Variants in VAPA observed in about 807,000 individuals in gnomAD.
The protein encoded by VAPA is VAMP associated protein A.
A neutral mutation model predicts 25.6 loss-of-function variants in VAPA; 6 were observed. That is an observed-to-expected ratio of 0.23 (90% CI 0.13 to 0.46). VAPA has a LOEUF of 0.46. Among genes scored for constraint, VAPA ranks in the 20% least tolerant of loss-of-function variants. VAPA has a pLI of 0.99. For synonymous variants in VAPA, 112 were observed against 106.2 expected, an observed-to-expected ratio of 1.05 and a Z score of -0.34; for missense variants, 244 against 302.1, an observed-to-expected ratio of 0.81 and a Z score of 1.43.
intron 4 of VAPA, among the ~76,000 whole-genome samples, chr18:9,940,910 C>G (rs2069360731): frequency 6.6e-6 from 1 of 151,986 alleles, no homozygotes; most frequent in African/African-American, 2.4e-5. Flanking sequence ...TGGAAGTGGC[C>G]TTAATTGATT....
intron 4 of VAPA, among the ~76,000 whole-genome samples, chr18:9,940,118 C>T (rs1393651957): frequency 6.6e-6 from 1 of 152,208 alleles, no homozygotes; most frequent in African/African-American, 2.4e-5. Flanking sequence ...TCGTGATGTA[C>T]AGTTGATCTT....
In VAPA at chr18:9,928,307, TTG is replaced by T. The variant is rs199981052; in HGVS notation, c.80-3501_80-3500del. 8.9e-3 allele frequency among the ~76,000 whole-genome samples: 1,362 copies of T among 152,274 alleles called. 23 individuals carry two copies. Among genetic ancestry groups the T allele is most frequent in the African/African-American group, 0.031 (1,275 of 41,562 alleles). On this transcript the variant is annotated intron_variant, in intron 1 of 5. Coordinates refer to ENST00000400000, the MANE Select transcript of VAPA (RefSeq NM_194434.3). ...CAGTTTTTCTGAAAAAACATTTTTA[TTG>T]TTTTTCGTAAATAAAAGATATATAC...
intron 4 of VAPA, chr18:9,944,976 A>T (rs1476864214): frequency 6.2e-7 from 1 of 1,614,226 alleles, no homozygotes; most frequent in South Asian, 1.1e-5. Context: ...AGCAGCATCA[A>T]CAACACAGTT....
At chr18:9,918,236 C>T (rs544251742) in intron 1 of VAPA, among the ~76,000 whole-genome samples, 13 of 152,190 alleles carry the variant, frequency 8.5e-5, no homozygotes, top group Non-Finnish European at 1.9e-4. Flanking sequence ...ATTGTTTTAA[C>T]ATATAAATAC....
chr18:9,956,099 A>T lies in VAPA; in HGVS notation c.*1888A>T, dbSNP rs767816296. 6.6e-6 allele frequency: 1 copy of T among 152,110 alleles called. No individual in the cohort carries two copies. The highest frequency in any genetic ancestry group is 1.5e-5 in the Non-Finnish European group (1 of 68,012). 9.4% of individuals were successfully genotyped at this position (152,110 alleles called of 1,614,324 possible). On this transcript the variant is annotated 3_prime_UTR_variant, in exon 6 of 6. Coordinates refer to ENST00000400000, the MANE Select transcript of VAPA (RefSeq NM_194434.3). ...TGAAAATTTAGCCAAATCCCGTTTT[A>T]TGGGAATGCTCTTTAGAATTCATTT...
At chr18:9,950,851 C>G (rs1298380863) in intron 5 of VAPA, 3 of 365,560 alleles carry the variant, frequency 8.2e-6, no homozygotes, top group African/African-American at 4.2e-5. Context: ...CATTTTGTGC[C>G]CTAGTCATAC....
chr18:9,932,456 A>G (rs550263300), intron 2 of VAPA, among the ~76,000 whole-genome samples: 28 of 152,020 alleles, frequency 1.8e-4, no homozygotes, highest in Non-Finnish European at 3.8e-4. Context: ...CTTTATTTTT[A>G]TTTTACTACT....
At chr18:9,945,121 A>T in intron 4 of VAPA, 1 of 1,556,558 alleles carries the variant, frequency 6.4e-7, no homozygotes, top group Non-Finnish European at 8.8e-7. Context: ...GTTAATGTAG[A>T]TACCTAGCAG....
chr18:9,914,402 C>A, intron 1 of VAPA, 67 bp downstream of exon 1: 1 of 1,423,826 alleles, frequency 7.0e-7, no homozygotes, highest in Non-Finnish European at 9.4e-7. Context: ...GGCGGGGGGG[C>A]GCGGAGGGCA....
At position 9,955,661 on chromosome 18, in the gene VAPA, A is replaced by G. The variant is rs1307308248; in HGVS notation, c.*1450A>G. 1 of 152,206 alleles carries G rather than the reference A, an allele frequency of 6.6e-6. No homozygotes were observed. Among genetic ancestry groups the G allele is most frequent in the African/African-American group, 2.4e-5 (1 of 41,446 alleles). 9.4% of individuals were successfully genotyped at this position (152,206 alleles called of 1,614,324 possible). ...AGGCCCAGGTCTGTGTACACATTTT[A>G]TAGAAGAATGAAGTACTCTGAAGTA... is the stretch of plus-strand genomic sequence containing the variant. On this transcript the variant is annotated 3_prime_UTR_variant, in exon 6 of 6. Transcript: ENST00000400000.
At chr18:9,941,293 C>G (rs903862609) in intron 4 of VAPA, among the ~76,000 whole-genome samples, 3 of 152,114 alleles carry the variant, frequency 2.0e-5, no homozygotes, top group Non-Finnish European at 4.4e-5. Flanking sequence ...TCAGTGCAAC[C>G]TGGCACAGAC....
chr18:9,937,503 T>A (rs182171993), intron 4 of VAPA, among the ~76,000 whole-genome samples: 557 of 152,314 alleles, frequency 3.7e-3, no homozygotes, highest in Non-Finnish European at 6.2e-3. Context: ...CTCACTTTTG[T>A]TTTTAGTCAA....
intron 2 of VAPA, among the ~76,000 whole-genome samples, chr18:9,934,951 C>T (rs929032307): frequency 1.3e-5 from 2 of 151,808 alleles, no homozygotes; most frequent in African/African-American, 4.8e-5. Context: ...AAAAATTAGC[C>T]GGGCATGGTG....
At chr18:9,941,917 G>A (rs2069369773) in intron 4 of VAPA, among the ~76,000 whole-genome samples, 1 of 152,178 alleles carries the variant, frequency 6.6e-6, no homozygotes, top group Non-Finnish European at 1.5e-5. Context: ...TAAAAGTATA[G>A]AGTAGAAAAT....
At chr18:9,920,913 T>C (rs1247272837) in intron 1 of VAPA, among the ~76,000 whole-genome samples, 1 of 152,214 alleles carries the variant, frequency 6.6e-6, no homozygotes, top group African/African-American at 2.4e-5. Flanking sequence ...AATCACTTCC[T>C]CTTGAGAAGT....
chr18:9,936,200 A>G lies in VAPA; in HGVS notation c.323A>G (p.Asp108Gly), dbSNP rs770370199. The part of the protein sequence containing the change: ...QTIFAPPNTS[D>G]MEAVWKEAKP... ...ATTTTTGCTCCACCAAACACTTCAG[A>G]TATGGAAGCTGTGGTAAGTATAGAA... Residue 108 changes from aspartate (D) to glycine (G), a missense_variant, in exon 3 of 6, where the codon GAT becomes GGT. Asp to Gly is a moderately conservative substitution (Grantham distance 94, BLOSUM62 -1). Around this residue, in one of 2 missense-constraint regions of VAPA, gnomAD observed 99 missense variants for 161.6 expected, o/e 0.61. Coordinates refer to ENST00000400000, the MANE Select transcript of VAPA (RefSeq NM_194434.3). The G allele has an allele frequency of 1.3e-6, 2 of 1,599,444 alleles. No homozygotes were observed. Among genetic ancestry groups the G allele is most frequent in the Non-Finnish European group, 1.7e-6 (2 of 1,172,488 alleles).
At chr18:9,916,334 A>G (rs1038187281) in intron 1 of VAPA, among the ~76,000 whole-genome samples, 5 of 152,218 alleles carry the variant, frequency 3.3e-5, no homozygotes, top group Non-Finnish European at 7.3e-5. Context: ...CCAGGGAAGC[A>G]GAAAAGGTGT....
At chr18:9,927,030 T>A (rs1220702032) in intron 1 of VAPA, among the ~76,000 whole-genome samples, 1 of 152,154 alleles carries the variant, frequency 6.6e-6, no homozygotes, top group Non-Finnish European at 1.5e-5. Flanking sequence ...GTGTTTTCTG[T>A]TTTCTGAAAT....
At chr18:9,921,417 A>G (rs1406572647) in intron 1 of VAPA, among the ~76,000 whole-genome samples, 1 of 152,246 alleles carries the variant, frequency 6.6e-6, no homozygotes, top group Non-Finnish European at 1.5e-5. Context: ...ACAATTGAGT[A>G]CAAAAAGAAA....
Sources: gnomAD v4.1 joint callset for allele counts (sites outside exome capture counted in the v4.1 genomes callset) on GRCh38, gnomAD v4.1.1 for gene constraint, gnomAD v4.1.1 regional missense constraint, MANE v1.5 for transcripts, NCBI Gene and HGNC (gene_info 2026-07-23, HGNC 2026-07-21) for gene names.